PDE11A: variants seen among roughly 807,000 people sequenced by gnomAD.
PDE11A encodes phosphodiesterase 11A, also known as dual 3',5'-cyclic-AMP and -GMP phosphodiesterase 11A.
A neutral mutation model predicts 100.5 loss-of-function variants in PDE11A; 100 were observed. The observed-to-expected ratio is 1.00, with a 90% confidence interval of 0.85 to 1.18. PDE11A has a LOEUF of 1.18. Ranked by LOEUF, PDE11A falls within the 50% of genes most tolerant of loss-of-function variation. PDE11A has a pLI of 0.00. For missense variants in PDE11A, 1,141 were observed against 1,152.6 expected, an observed-to-expected ratio of 0.99 and a Z score of 0.15; for synonymous variants, 381 against 420.8, an observed-to-expected ratio of 0.91 and a Z score of 1.16.
rs112326489 is a variant in PDE11A, at chr2:178,106,004, T to C, written c.-13-1528A>G. ...CAAAGAATTACTACTACAGACATCA[T>C]GAAAATACCAAATTCTTTGAGAGTA... On this transcript the variant is annotated intron_variant, in intron 1 of 20. Transcript: ENST00000358450. Among the ~76,000 whole-genome samples the C allele has an allele frequency of 3.3e-3, 501 of 152,304 alleles. 4 individuals carry two copies. Among genetic ancestry groups the C allele is most frequent in the African/African-American group, 0.012 (487 of 41,566 alleles).
rs1337894306 is a variant in PDE11A, at chr2:177,869,821, C to T, written c.1367+6038G>A. Among the ~76,000 whole-genome samples the T allele has an allele frequency of 4.6e-5, 7 of 152,158 alleles. No homozygotes were observed. In the East Asian group the frequency reaches 1.4e-3, roughly 29 times the overall value. ...CTGTACATTTTGTCATCTATGTTCT[C>T]AGTGTTAATTGTTTTAGCACTCTTG... On this transcript the variant is annotated intron_variant, in intron 5 of 19. Transcript: ENST00000286063.
chr2:177,695,117 TG>T (rs949081155), intron 15 of PDE11A, among the ~76,000 whole-genome samples: 2 of 142,276 alleles, frequency 1.4e-5, no homozygotes, highest in African/African-American at 5.0e-5. Flanking sequence ...GGGAGTTGTG[TG>T]TGGGGGGGGA....
chr2:177,770,731 A>G (rs1242990716), intron 9 of PDE11A, among the ~76,000 whole-genome samples: 2 of 152,206 alleles, frequency 1.3e-5, no homozygotes, highest in Non-Finnish European at 2.9e-5. Flanking sequence ...ATAAATGCAC[A>G]TTGGTGGCAT....
intron 2 of PDE11A, among the ~76,000 whole-genome samples, chr2:177,991,090 A>AAGGCG (rs1162192701): frequency 6.6e-6 from 1 of 151,188 alleles, no homozygotes; most frequent in African/African-American, 2.4e-5. Flanking sequence ...TTGGGAGGCC[A>AAGGCG]GCATGGGTAG....
At chr2:177,702,183 C>T (rs907700150) in intron 13 of PDE11A, among the ~76,000 whole-genome samples, 2 of 152,032 alleles carry the variant, frequency 1.3e-5, no homozygotes, top group Non-Finnish European at 2.9e-5. Context: ...TTAACAATGT[C>T]AGTTCTGCAA....
chr2:178,075,331 T>G (rs1367459142), upstream of PDE11A, among the ~76,000 whole-genome samples: 1 of 152,004 alleles, frequency 6.6e-6, no homozygotes, highest in East Asian at 1.9e-4. Flanking sequence ...GGCAGGCAGA[T>G]CACTTGGGGT....
intron 4 of PDE11A, among the ~76,000 whole-genome samples, chr2:177,889,091 C>T (rs1027789328): frequency 6.6e-6 from 1 of 152,196 alleles, no homozygotes; most frequent in African/African-American, 2.4e-5. Context: ...CTTAGAACTA[C>T]ATTTGCTGTG....
At position 177,867,907 on chromosome 2, in the gene PDE11A, G is replaced by C. The variant is rs572943262; in HGVS notation, c.1367+7952C>G. 6.6e-5 allele frequency among the ~76,000 whole-genome samples: 10 copies of C among 152,246 alleles called. No individual in the cohort carries two copies. The South Asian group carries it at 2.1e-3, about 32-fold the overall frequency. ...AAGGGTGGTAACCCAGACATCTCTC[G>C]AGTCTTGCTAAGAGCTCCTTGGACT... On this transcript the variant is annotated intron_variant, in intron 5 of 19. Transcript: ENST00000286063.
chr2:177,903,908 G>A (rs80061612), intron 3 of PDE11A, among the ~76,000 whole-genome samples: 4 of 152,278 alleles, frequency 2.6e-5, no homozygotes, highest in Non-Finnish European at 5.9e-5. Flanking sequence ...GGTAAGACAT[G>A]GGGCTAAAGA....
At chr2:177,693,594 G>A (rs2081071191) in intron 15 of PDE11A, among the ~76,000 whole-genome samples, 1 of 152,322 alleles carries the variant, frequency 6.6e-6, no homozygotes, top group Admixed American at 6.5e-5. Context: ...AGAGGACACA[G>A]GGGCCTCAAG....
At chr2:177,830,323 G>A (rs1263606938) in intron 6 of PDE11A, among the ~76,000 whole-genome samples, 1 of 152,070 alleles carries the variant, frequency 6.6e-6, no homozygotes, top group African/African-American at 2.4e-5. Flanking sequence ...GTTTTGGCTG[G>A]GCGCGGTAGC....
intron 2 of PDE11A, among the ~76,000 whole-genome samples, chr2:177,957,519 G>T (rs1262549164): frequency 6.6e-6 from 1 of 152,050 alleles, no homozygotes; most frequent in African/African-American, 2.4e-5. Context: ...TTTTTGTCTG[G>T]AAAACAATTA....
chr2:177,727,910 AG>A (rs2081623696), intron 11 of PDE11A, 115 bp downstream of exon 11: 1 of 1,017,014 alleles, frequency 9.8e-7, no homozygotes, highest in African/African-American at 1.6e-5. Flanking sequence ...TAATCCCATG[AG>A]GTGTGCAGGG....
At chr2:177,848,781 A>G (rs943429046) in intron 5 of PDE11A, among the ~76,000 whole-genome samples, 11 of 152,170 alleles carry the variant, frequency 7.2e-5, no homozygotes, top group African/African-American at 2.7e-4. Flanking sequence ...GAGCAAAGAA[A>G]AACAAGACAA....
intron 10 of PDE11A, among the ~76,000 whole-genome samples, chr2:177,734,837 T>C (rs1487072001): frequency 6.6e-6 from 1 of 152,178 alleles, no homozygotes; most frequent in Non-Finnish European, 1.5e-5. Context: ...TGGTGTGTTG[T>C]TGTTATGCTC....
At chr2:178,102,768 GT>G (rs1165019104) in intron 2 of PDE11A, among the ~76,000 whole-genome samples, 2 of 152,028 alleles carry the variant, frequency 1.3e-5, no homozygotes, top group Non-Finnish European at 2.9e-5. Context: ...TTTATTATGA[GT>G]CTCCCCCAAA....
chr2:177,692,046 T>C (rs4893983), intron 15 of PDE11A, among the ~76,000 whole-genome samples: 144,333 of 152,220 alleles, frequency 0.95, 68,569 homozygotes, highest in East Asian at 1. Flanking sequence ...CAATCTTGGC[T>C]CAAATAAACT....
At chr2:177,693,316 G>C (rs2081068172) in intron 15 of PDE11A, among the ~76,000 whole-genome samples, 1 of 152,208 alleles carries the variant, frequency 6.6e-6, no homozygotes, top group Non-Finnish European at 1.5e-5. Flanking sequence ...AAGTACATGA[G>C]AGTTAACATC....
intron 19 of PDE11A, among the ~76,000 whole-genome samples, chr2:177,661,551 A>G (rs2105475700): frequency 6.6e-6 from 1 of 152,290 alleles, no homozygotes; most frequent in South Asian, 2.1e-4. Context: ...CATGAGATCA[A>G]ATAAAATAAA....
Sources: gnomAD v4.1 joint callset for allele counts (sites outside exome capture counted in the v4.1 genomes callset) on GRCh38, gnomAD v4.1.1 for gene constraint, MANE v1.5 for transcripts, NCBI Gene and HGNC (gene_info 2026-07-23, HGNC 2026-07-21) for gene names.